CHODL: variants seen among roughly 807,000 people sequenced by gnomAD.
CHODL encodes chondrolectin.
In CHODL, 29 loss-of-function variants were observed where a neutral mutation model predicts 34.5. That is an observed-to-expected ratio of 0.84 (90% CI 0.63 to 1.15). The LOEUF (loss-of-function observed/expected upper bound fraction) is 1.15, where lower values mean the gene tolerates loss of function less well. CHODL is among the 50% of genes most tolerant of loss of function. CHODL has a pLI of 0.00. For missense variants in CHODL, 332 were observed against 332.5 expected, an observed-to-expected ratio of 1.00 and a Z score of 0.01; for synonymous variants, 125 against 116.1, an observed-to-expected ratio of 1.08 and a Z score of -0.49.
At chr21:18,088,344 G>A (rs906421739) in intron 2 of CHODL, among the ~76,000 whole-genome samples, 1 of 152,160 alleles carries the variant, frequency 6.6e-6, no homozygotes, top group Non-Finnish European at 1.5e-5. Context: ...CCTCGTTGGA[G>A]CAGTGCAGTG....
At chr21:18,033,269 A>G (rs910504119) in intron 2 of CHODL, among the ~76,000 whole-genome samples, 5 of 152,044 alleles carry the variant, frequency 3.3e-5, no homozygotes, top group Non-Finnish European at 5.9e-5. Flanking sequence ...CACTGTGAAC[A>G]TAGCAGCTGG....
intron 2 of CHODL, among the ~76,000 whole-genome samples, chr21:18,208,718 C>A (rs186147237): frequency 6.6e-6 from 1 of 152,028 alleles, no homozygotes; most frequent in African/African-American, 2.4e-5. Flanking sequence ...TAGGAGACAC[C>A]CCAAGCCCAG....
intron 5 of CHODL, among the ~76,000 whole-genome samples, chr21:18,265,209 ATATG>A (rs1455959579): frequency 3.4e-5 from 5 of 148,090 alleles, no homozygotes; most frequent in African/African-American, 1.0e-4. Flanking sequence ...ACACACACAT[ATATG>A]TATGTGTATA....
intron 2 of CHODL, among the ~76,000 whole-genome samples, chr21:18,213,272 T>A (rs2073791678): frequency 6.6e-6 from 1 of 152,096 alleles, no homozygotes. Flanking sequence ...TACTTATTGC[T>A]TATAAAATGA....
chr21:18,080,099 CT>C (rs1314851171), intron 2 of CHODL, among the ~76,000 whole-genome samples: 1 of 151,928 alleles, frequency 6.6e-6, no homozygotes, highest in East Asian at 1.9e-4. Flanking sequence ...ATGTTGAGCC[CT>C]TTTTCATGTT....
At chr21:17,971,640 C>G (rs1377042704) in intron 1 of CHODL, among the ~76,000 whole-genome samples, 7 of 151,886 alleles carry the variant, frequency 4.6e-5, no homozygotes, top group Admixed American at 3.9e-4. Context: ...TTAACAAGTT[C>G]TAAAATTGAG....
chr21:17,922,836 G>A (rs969482414), intron 1 of CHODL, among the ~76,000 whole-genome samples: 8 of 152,272 alleles, frequency 5.3e-5, no homozygotes, highest in Middle Eastern at 3.4e-3. Context: ...ACATGCAGCC[G>A]TGACAGCCTC....
At chr21:18,169,722 C>T (rs2142257) in intron 2 of CHODL, among the ~76,000 whole-genome samples, 2 of 152,150 alleles carry the variant, frequency 1.3e-5, no homozygotes, top group South Asian at 4.1e-4. Flanking sequence ...TTTTAAAATA[C>T]GATTAAAATA....
intron 2 of CHODL, among the ~76,000 whole-genome samples, chr21:18,124,937 C>A (rs1001106643): frequency 6.6e-6 from 1 of 152,248 alleles, no homozygotes; most frequent in Non-Finnish European, 1.5e-5. Context: ...TTAGCCAGGG[C>A]TAGAAAGTGG....
chr21:17,978,747 C>A (rs763896187), intron 1 of CHODL, among the ~76,000 whole-genome samples: 278 of 139,690 alleles, frequency 2.0e-3, no homozygotes, highest in Non-Finnish European at 3.2e-3. Flanking sequence ...AAAAAAAAAA[C>A]AAACAAACAG....
At chr21:18,181,343 A>G (rs770235023) in intron 2 of CHODL, among the ~76,000 whole-genome samples, 3 of 152,252 alleles carry the variant, frequency 2.0e-5, no homozygotes, top group Non-Finnish European at 4.4e-5. Flanking sequence ...ATGTAGTTTT[A>G]GAGCATTACA....
intron 2 of CHODL, among the ~76,000 whole-genome samples, chr21:18,057,089 G>A (rs557153367): frequency 7.2e-5 from 11 of 152,192 alleles, no homozygotes; most frequent in Non-Finnish European, 1.5e-5. Context: ...AGATATTTCC[G>A]CTTAAGCTAA....
intron 1 of CHODL, among the ~76,000 whole-genome samples, chr21:18,248,164 G>A (rs970612965): frequency 1.8e-4 from 28 of 151,802 alleles, no homozygotes; most frequent in Non-Finnish European, 3.5e-4. Flanking sequence ...ACTGGCACAT[G>A]TTTTATTTAG....
chr21:17,981,094 C>A (rs1004534804), intron 1 of CHODL, among the ~76,000 whole-genome samples: 5 of 152,158 alleles, frequency 3.3e-5, no homozygotes, highest in Non-Finnish European at 5.9e-5. Flanking sequence ...ACTATACAAA[C>A]CCTGATGTCA....
intron 2 of CHODL, among the ~76,000 whole-genome samples, chr21:18,148,848 C>T (rs1030802009): frequency 1.3e-5 from 2 of 150,680 alleles, no homozygotes; most frequent in African/African-American, 2.4e-5. Flanking sequence ...TTCAAATATA[C>T]CCCACATTTG....
intron 2 of CHODL, among the ~76,000 whole-genome samples, chr21:18,119,358 G>A (rs1191750803): frequency 6.6e-6 from 1 of 151,942 alleles, no homozygotes; most frequent in Non-Finnish European, 1.5e-5. Context: ...TACCCTATGA[G>A]GTTATCTAAC....
At chr21:17,949,716 T>C (rs150632600) in intron 1 of CHODL, among the ~76,000 whole-genome samples, 1 of 152,290 alleles carries the variant, frequency 6.6e-6, no homozygotes, top group African/African-American at 2.4e-5. Context: ...CCAACTATTA[T>C]TTGATTAAAG....
At chr21:18,261,394 A>T (rs2074381146) in intron 4 of CHODL, among the ~76,000 whole-genome samples, 1 of 150,298 alleles carries the variant, frequency 6.7e-6, no homozygotes, top group African/African-American at 2.4e-5. Flanking sequence ...GGCTGGGCGC[A>T]GTGGCTCACA....
intron 2 of CHODL, among the ~76,000 whole-genome samples, chr21:18,127,473 T>G (rs1002765683): frequency 6.6e-6 from 1 of 152,124 alleles, no homozygotes; most frequent in African/African-American, 2.4e-5. Flanking sequence ...ATCTGTATGT[T>G]GTACCATCAA....
Sources: allele counts gnomAD v4.1 joint callset (sites outside exome capture counted in the v4.1 genomes callset), GRCh38; gene constraint gnomAD v4.1.1; transcripts MANE v1.5; gene names NCBI Gene and HGNC (gene_info 2026-07-23, HGNC 2026-07-21).